Variants in CDH4 observed in about 807,000 individuals in gnomAD.
CDH4 encodes cadherin 4.
In CDH4, 33 loss-of-function variants were observed where a neutral mutation model predicts 86.0. The ratio of observed to expected loss-of-function variants is 0.38; its 90% CI spans 0.29 to 0.51. The LOEUF (loss-of-function observed/expected upper bound fraction) is 0.51. CDH4 is among the 20% of genes least tolerant of loss of function. The pLI, the probability that CDH4 is intolerant of heterozygous loss-of-function variation, is 0.86. For missense variants in CDH4, 1,114 were observed against 1,307.4 expected, an observed-to-expected ratio of 0.85 and a Z score of 2.28; for synonymous variants, 555 against 549.4, an observed-to-expected ratio of 1.01 and a Z score of -0.14.
chr20:61,722,792 A>G (rs1249612261), intron 2 of CDH4, among the ~76,000 whole-genome samples: 1 of 152,204 alleles, frequency 6.6e-6, no homozygotes, highest in East Asian at 1.9e-4. Flanking sequence ...ATCCAAGGAA[A>G]GCAGAAATTT....
chr20:61,566,174 G>C (rs549692724), intron 2 of CDH4, among the ~76,000 whole-genome samples: 6 of 152,258 alleles, frequency 3.9e-5, no homozygotes, highest in Non-Finnish European at 5.9e-5. Flanking sequence ...ATGGTCCCAG[G>C]GCTTCCTGCC....
chr20:61,313,655 A>T (rs1444386409), intron 2 of CDH4, among the ~76,000 whole-genome samples: 2 of 152,230 alleles, frequency 1.3e-5, no homozygotes, highest in African/African-American at 4.8e-5. Flanking sequence ...TTTTGGGGTC[A>T]CTTTTGGTTT....
chr20:61,875,715 G>A (rs1371603628), intron 7 of CDH4, among the ~76,000 whole-genome samples: 3 of 152,190 alleles, frequency 2.0e-5, no homozygotes, highest in African/African-American at 4.8e-5. Flanking sequence ...ATGAACCAGC[G>A]CCCGCTCCGC....
chr20:61,554,376 A>G (rs1380846449), intron 2 of CDH4, among the ~76,000 whole-genome samples: 2 of 152,242 alleles, frequency 1.3e-5, no homozygotes, highest in Non-Finnish European at 2.9e-5. Flanking sequence ...GCAAAGACCC[A>G]GAGCCACAGG....
intron 8 of CDH4, among the ~76,000 whole-genome samples, chr20:61,897,861 A>G (rs533912849): frequency 6.6e-6 from 1 of 152,356 alleles, no homozygotes; most frequent in African/African-American, 2.4e-5. Flanking sequence ...AGATATGTCT[A>G]GATGCTTCTC....
chr20:61,259,228 G>A (rs1170459354), intron 2 of CDH4, among the ~76,000 whole-genome samples: 1 of 152,222 alleles, frequency 6.6e-6, no homozygotes, highest in East Asian at 1.9e-4. Flanking sequence ...GAGATCAGAT[G>A]CAGTGTCTGG....
chr20:61,417,617 G>C lies in CDH4; in HGVS notation c.169+162680G>C, dbSNP rs1344087924. 6.6e-6 allele frequency among the ~76,000 whole-genome samples: 1 copy of C among 152,166 alleles called. No individual in the cohort carries two copies. Among genetic ancestry groups the C allele is most frequent in the African/African-American group, 2.4e-5 (1 of 41,444 alleles). ...TGCATTTCTGTATCGCTATCTAGCA[G>C]GGCTGTAAATTGGCAGCGTGGATTG... On this transcript the variant is annotated intron_variant, in intron 2 of 15. Transcript: ENST00000614565. The surrounding 1 kb of genome is among the most constrained non-coding windows in gnomAD (Gnocchi z 4.0).
chr20:61,475,274 G>T (rs2085527569), intron 2 of CDH4, among the ~76,000 whole-genome samples: 1 of 151,896 alleles, frequency 6.6e-6, no homozygotes, highest in Non-Finnish European at 1.5e-5. Flanking sequence ...GTGGAATTAA[G>T]AAGTGACCCC....
At chr20:61,660,571 T>C (rs535745341) in intron 2 of CDH4, among the ~76,000 whole-genome samples, 22 of 152,218 alleles carry the variant, frequency 1.4e-4, no homozygotes, top group Non-Finnish European at 2.5e-4. Context: ...TGAATATGGA[T>C]TGTGTTTGCA....
At position 61,430,374 on chromosome 20, in the gene CDH4, T is replaced by C. The variant is rs1024153159; in HGVS notation, c.169+175437T>C. Among the ~76,000 whole-genome samples, 16 of 152,300 alleles carry C rather than the reference T, an allele frequency of 1.1e-4. No homozygotes were observed. The South Asian group carries it at 3.1e-3, about 30-fold the overall frequency. Reference sequence around the variant, plus strand: ...TCAGCTTTGACGCCCGGCTCATCAGTGTGCCAGGCGGCCTTCTGCCTCCAG... The same window carrying C: ...TCAGCTTTGACGCCCGGCTCATCAGCGTGCCAGGCGGCCTTCTGCCTCCAG... On this transcript the variant is annotated intron_variant, in intron 2 of 15. Transcript: ENST00000614565.
chr20:61,781,551 C>T (rs961580870), intron 4 of CDH4, among the ~76,000 whole-genome samples: 13 of 152,256 alleles, frequency 8.5e-5, no homozygotes, highest in East Asian at 3.9e-4. Context: ...AAAGGGTCAG[C>T]GCATTTGAAG....
chr20:61,746,637 G>A (rs1043236045), intron 3 of CDH4, among the ~76,000 whole-genome samples: 2 of 152,208 alleles, frequency 1.3e-5, no homozygotes, highest in South Asian at 4.1e-4. Flanking sequence ...TTACTGGCTG[G>A]GTGTTTTGGG....
chr20:61,628,443 A>G (rs938888354), intron 2 of CDH4, among the ~76,000 whole-genome samples: 5 of 152,042 alleles, frequency 3.3e-5, no homozygotes, highest in Non-Finnish European at 7.4e-5. Flanking sequence ...TCATTCATTC[A>G]TTCATTCATT....
rs901822001 is a variant in CDH4 at position 61,643,035 on chromosome 20, A to G, written c.170-100528A>G. 3.3e-5 allele frequency among the ~76,000 whole-genome samples: 5 copies of G among 152,288 alleles called. 1 individual carries two copies. The highest frequency in any genetic ancestry group is 2.0e-4 in the Admixed American group (3 of 15,302). ...TCCTAGTTGCTATGTGTCTTAGTCC[A>G]TTTTCAGTTGCTACAACTGAATAGC... On this transcript the variant is annotated intron_variant, in intron 2 of 15. Transcript: ENST00000614565.
chr20:61,478,055 C>T (rs1568859227), intron 2 of CDH4, among the ~76,000 whole-genome samples: 1 of 152,166 alleles, frequency 6.6e-6, no homozygotes, highest in Non-Finnish European at 1.5e-5. Flanking sequence ...GACTGACATT[C>T]CCTTCAGTCT....
chr20:61,850,630 G>A (rs1197804210), intron 5 of CDH4, among the ~76,000 whole-genome samples: 1 of 152,240 alleles, frequency 6.6e-6, no homozygotes. Flanking sequence ...CCGGAACGAG[G>A]ATAGAAAAAT....
At chr20:61,273,429 TG>T (rs2084198618) in intron 2 of CDH4, among the ~76,000 whole-genome samples, 1 of 77,188 alleles carries the variant, frequency 1.3e-5, no homozygotes, top group African/African-American at 5.2e-5. Context: ...ATGTGCAGTT[TG>T]GGGGAGGACC....
chr20:61,786,395 G>A (rs1300661709), intron 4 of CDH4, among the ~76,000 whole-genome samples: 2 of 152,112 alleles, frequency 1.3e-5, no homozygotes, highest in Non-Finnish European at 2.9e-5. Flanking sequence ...TGAGACCCAC[G>A]GGGATTCACA....
chr20:61,629,673 G>A (rs2086865672), intron 2 of CDH4, among the ~76,000 whole-genome samples: 1 of 152,170 alleles, frequency 6.6e-6, no homozygotes, highest in South Asian at 2.1e-4. Flanking sequence ...AACAGAGGTG[G>A]CCAGAGCCAT....
Sources: gnomAD v4.1 joint callset for allele counts (sites outside exome capture counted in the v4.1 genomes callset) on GRCh38, gnomAD v4.1.1 for gene constraint, Gnocchi (gnomAD v3.1) non-coding constraint, MANE v1.5 for transcripts, NCBI Gene and HGNC (gene_info 2026-07-23, HGNC 2026-07-21) for gene names.